Variants in PCSK5 observed in about 807,000 individuals in gnomAD.
PCSK5 encodes the protein prohormone convertase 5.
In PCSK5, 129 loss-of-function variants were observed where a neutral mutation model predicts 233.2. That is an observed-to-expected ratio of 0.55 (90% CI 0.48 to 0.64). The LOEUF (loss-of-function observed/expected upper bound fraction) is 0.64. Ranked by LOEUF, PCSK5 falls within the 30% of genes least tolerant of loss-of-function variation. PCSK5 has a pLI of 0.00. For synonymous variants in PCSK5, 825 were observed against 879.2 expected, an observed-to-expected ratio of 0.94 and a Z score of 1.09; for missense variants, 2,076 against 2,430.1, an observed-to-expected ratio of 0.85 and a Z score of 3.06.
chr9:76,351,458 AAG>A (rs1275163765), intron 36 of PCSK5, among the ~76,000 whole-genome samples: 1 of 9,298 alleles, frequency 1.1e-4, no homozygotes, highest in Non-Finnish European at 2.4e-4. Flanking sequence ...GAAAGAAAGA[AAG>A]AAAGAAAGAA....
intron 10 of PCSK5, among the ~76,000 whole-genome samples, chr9:76,155,101 T>C (rs1447250133): frequency 6.6e-6 from 1 of 152,212 alleles, no homozygotes; most frequent in Non-Finnish European, 1.5e-5. Context: ...TGTATAAAAC[T>C]CCCACATTTA....
At chr9:76,146,987 T>C (rs989809479) in intron 10 of PCSK5, among the ~76,000 whole-genome samples, 3 of 152,264 alleles carry the variant, frequency 2.0e-5, no homozygotes, top group African/African-American at 7.2e-5. Context: ...CCTCAGCCTC[T>C]CATTTTGTGA....
At chr9:76,007,817 T>TGTGTGTGTGTGC in intron 3 of PCSK5, among the ~76,000 whole-genome samples, 1 of 150,658 alleles carries the variant, frequency 6.6e-6, no homozygotes, top group Non-Finnish European at 1.5e-5. Context: ...TGTGTGTGTG[T>TGTGTGTGTGTGC]GTGTGTGTGT....
At chr9:76,009,349 T>C (rs1827622628) in intron 3 of PCSK5, among the ~76,000 whole-genome samples, 1 of 152,126 alleles carries the variant, frequency 6.6e-6, no homozygotes, top group Admixed American at 6.5e-5. Flanking sequence ...TCATGTTTGA[T>C]TTTTCAAGTA....
At chr9:76,323,830 G>C (rs1258478407) in intron 32 of PCSK5, among the ~76,000 whole-genome samples, 1 of 152,134 alleles carries the variant, frequency 6.6e-6, no homozygotes, top group Non-Finnish European at 1.5e-5. Flanking sequence ...ACAGCAGAGA[G>C]GAGGAGCCTT....
At chr9:76,330,976 G>T (rs918078733) in intron 33 of PCSK5, among the ~76,000 whole-genome samples, 1 of 152,110 alleles carries the variant, frequency 6.6e-6, no homozygotes, top group African/African-American at 2.4e-5. Flanking sequence ...AGAGAAGACA[G>T]CTTGCCTCCA....
At chr9:76,321,315 C>A in intron 30 of PCSK5, 107 bp from the exon 31 acceptor site, 2 of 654,858 alleles carry the variant, frequency 3.1e-6, no homozygotes, top group Non-Finnish European at 5.5e-6. Flanking sequence ...TCTCAGCTGA[C>A]GACAGCAGCA....
At chr9:76,251,650 A>G (rs1305640342) in intron 24 of PCSK5, among the ~76,000 whole-genome samples, 1 of 151,926 alleles carries the variant, frequency 6.6e-6, no homozygotes, top group Admixed American at 6.6e-5. Context: ...CTGATTCTGT[A>G]TAATACAGTA....
At chr9:75,907,746 T>A (rs1360171010) in intron 1 of PCSK5, among the ~76,000 whole-genome samples, 1 of 152,132 alleles carries the variant, frequency 6.6e-6, no homozygotes, top group Non-Finnish European at 1.5e-5. Context: ...ATTGGAGCAG[T>A]GGGAAGAACA....
intron 37 of PCSK5, among the ~76,000 whole-genome samples, chr9:76,354,673 A>G (rs1830251894): frequency 6.6e-6 from 1 of 152,176 alleles, no homozygotes; most frequent in Admixed American, 6.5e-5. Flanking sequence ...GCTACCAGGA[A>G]GGCTGAGGTG....
At chr9:76,263,629 G>A (rs1827248590) in intron 24 of PCSK5, among the ~76,000 whole-genome samples, 1 of 151,928 alleles carries the variant, frequency 6.6e-6, no homozygotes, top group South Asian at 2.1e-4. Context: ...GGACTGTTGT[G>A]GGGTGGGGGG....
chr9:76,127,107 GA>G (rs5898451), intron 9 of PCSK5, among the ~76,000 whole-genome samples: 71,314 of 151,554 alleles, frequency 0.47, 17,170 homozygotes, highest in Admixed American at 0.52. Context: ...TACTCAACAG[GA>G]AAAAAATGGG....
intron 24 of PCSK5, among the ~76,000 whole-genome samples, chr9:76,289,498 C>CA (rs1554717452): frequency 3.6e-4 from 48 of 132,120 alleles, no homozygotes; most frequent in African/African-American, 8.5e-4. Context: ...CACACACACA[C>CA]ACACACACAC....
At chr9:76,032,285 G>A (rs12686149) in intron 5 of PCSK5, among the ~76,000 whole-genome samples, 3,875 of 152,214 alleles carry the variant, frequency 0.025, 114 homozygotes, top group East Asian at 0.15. Flanking sequence ...TCATTAAGAC[G>A]CTGCTTGGCG....
At chr9:76,285,879 A>G (rs1397923920) in intron 24 of PCSK5, among the ~76,000 whole-genome samples, 1 of 152,208 alleles carries the variant, frequency 6.6e-6, no homozygotes, top group South Asian at 2.1e-4. Context: ...TGAATGGAAT[A>G]CAAAGACATT....
chr9:75,897,724 C>T (rs1259547695), intron 1 of PCSK5, among the ~76,000 whole-genome samples: 1 of 152,044 alleles, frequency 6.6e-6, no homozygotes, highest in Non-Finnish European at 1.5e-5. Context: ...AACTCCTGAT[C>T]TCAAGTGATC....
intron 5 of PCSK5, among the ~76,000 whole-genome samples, chr9:76,038,962 A>G (rs1239687150): frequency 1.3e-5 from 2 of 152,130 alleles, no homozygotes; most frequent in Non-Finnish European, 2.9e-5. Context: ...GCATTGTTTT[A>G]GTAGAACCAC....
intron 9 of PCSK5, among the ~76,000 whole-genome samples, chr9:76,120,153 A>G (rs1452528573): frequency 2.0e-5 from 3 of 152,024 alleles, no homozygotes; most frequent in East Asian, 1.9e-4. Context: ...TAGGGATCCT[A>G]TTTGCCCAAT....
intron 4 of PCSK5, among the ~76,000 whole-genome samples, chr9:76,026,703 G>A (rs1434285303): frequency 6.6e-6 from 1 of 152,092 alleles, no homozygotes; most frequent in East Asian, 1.9e-4. Flanking sequence ...AAAAGTGCTG[G>A]CAAGAATGAA....
Sources: allele counts gnomAD v4.1 joint callset (sites outside exome capture counted in the v4.1 genomes callset), GRCh38; gene constraint gnomAD v4.1.1; transcripts MANE v1.5; gene names NCBI Gene and HGNC (gene_info 2026-07-23, HGNC 2026-07-21).